MAML3: variants seen among roughly 807,000 people sequenced by gnomAD.
MAML3 encodes the protein mastermind-like protein 3.
Under a neutral mutation model 101.9 loss-of-function variants are expected in MAML3, and 27 were observed. The ratio of observed to expected loss-of-function variants is 0.27; its 90% CI spans 0.20 to 0.37. The LOEUF (loss-of-function observed/expected upper bound fraction) is 0.37. Ranked by LOEUF, MAML3 falls within the 10% of genes least tolerant of loss-of-function variation. The pLI, the probability that MAML3 is intolerant of heterozygous loss-of-function variation, is 1.00. For missense variants in MAML3, 1,316 were observed against 1,444.9 expected, an observed-to-expected ratio of 0.91 and a Z score of 1.45; for synonymous variants, 501 against 555.9, an observed-to-expected ratio of 0.90 and a Z score of 1.39.
At chr4:140,051,427 C>T (rs915965571) in intron 1 of MAML3, among the ~76,000 whole-genome samples, 1 of 151,896 alleles carries the variant, frequency 6.6e-6, no homozygotes, top group African/African-American at 2.4e-5. Context: ...CGTGGTGGTA[C>T]ATGCCTGTAA....
intron 2 of MAML3, among the ~76,000 whole-genome samples, chr4:139,742,512 C>T (rs1166573058): frequency 1.3e-5 from 2 of 152,160 alleles, no homozygotes; most frequent in Non-Finnish European, 2.9e-5. Flanking sequence ...CAGTGCTTGG[C>T]TTATAGTAGG....
intron 2 of MAML3, among the ~76,000 whole-genome samples, chr4:139,866,657 T>C (rs969820900): frequency 1.3e-5 from 2 of 152,176 alleles, no homozygotes; most frequent in African/African-American, 4.8e-5. Flanking sequence ...CCTCACTGTC[T>C]TGTTTCACCC....
chr4:139,995,570 T>C (rs985984506), intron 1 of MAML3, among the ~76,000 whole-genome samples: 1 of 152,204 alleles, frequency 6.6e-6, no homozygotes, highest in East Asian at 1.9e-4. Flanking sequence ...TGGTGATGTG[T>C]ATCTTTTAGG....
In MAML3 at chr4:140,152,918, T is replaced by G. The variant is rs1272088725; in HGVS notation, c.410A>C (p.Lys137Thr). 1 of 1,612,728 alleles carries G rather than the reference T, an allele frequency of 6.2e-7. No homozygotes were observed. Among genetic ancestry groups the G allele is most frequent in the Non-Finnish European group, 8.5e-7 (1 of 1,179,682 alleles). Residue 137 changes from lysine (K) to threonine (T), a missense_variant, in exon 1 of 5, where the codon AAA (lysine) becomes ACA (threonine). By Grantham distance (78) the Lys-to-Thr change is moderately conservative. Transcript: ENST00000509479. ...AGTGKQQHPS[K>T]PQQDAEAASA... is the part of the protein sequence containing the mutation. ...GGCAGCCTCCGCATCTTGCTGGGGT[T>G]TGCTCGGGTGCTGCTGTTTGCCGGT... is the stretch of plus-strand genomic sequence containing the variant.
At chr4:140,091,532 C>CAACAA (rs1560890515) in intron 1 of MAML3, among the ~76,000 whole-genome samples, 1 of 12,078 alleles carries the variant, frequency 8.3e-5, no homozygotes, top group African/African-American at 1.2e-4. Flanking sequence ...AACAAAACAA[C>CAACAA]AAAACAAAAA....
intron 1 of MAML3, among the ~76,000 whole-genome samples, chr4:140,036,622 T>A (rs540443178): frequency 2.0e-5 from 3 of 151,854 alleles, no homozygotes; most frequent in East Asian, 1.9e-4. Context: ...CAGGAGAAGA[T>A]GAGAAGAACA....
At chr4:140,092,570 C>T (rs1578680658) in intron 1 of MAML3, among the ~76,000 whole-genome samples, 1 of 152,164 alleles carries the variant, frequency 6.6e-6, no homozygotes, top group African/African-American at 2.4e-5. Context: ...AACTCCCCGC[C>T]GCACTGCTCA....
At position 139,890,199 on chromosome 4, in the gene MAML3, A is replaced by G. The variant is rs748766953; in HGVS notation, c.1237T>C (p.Cys413Arg). 1.2e-6 allele frequency: 2 copies of G among 1,613,368 alleles called. No homozygotes were observed. The highest frequency in any genetic ancestry group is 8.5e-7 in the Non-Finnish European group (1 of 1,179,860). ...APNPASSPAN[C>R]AVQSPQTPNQ... ...GGAGTTTGAGGGGACTGGACAGCAC[A>G]GTTTGCTGGTGAGCTTGCAGGGTTT... The change falls in exon 2 of 5, where the codon TGT (cysteine) becomes CGT (arginine). Residue 413 changes from cysteine to arginine, a missense_variant. Physicochemically the swap from Cys to Arg is radical, Grantham distance 180 (BLOSUM62 -3). Coordinates refer to ENST00000509479, the MANE Select transcript of MAML3 (RefSeq NM_018717.5). This position sits in a 1 kb window ranked among gnomAD's most constrained non-coding sequence, Gnocchi z 4.1.
chr4:139,984,280 C>T (rs1734496337), intron 1 of MAML3, among the ~76,000 whole-genome samples: 1 of 151,874 alleles, frequency 6.6e-6, no homozygotes, highest in African/African-American at 2.4e-5. Context: ...AGCCACAAAG[C>T]CATGAAAATA....
intron 2 of MAML3, among the ~76,000 whole-genome samples, chr4:139,814,025 A>AACACACACACACACACACACACAC (rs70943442): frequency 6.9e-5 from 10 of 145,030 alleles, no homozygotes; most frequent in Non-Finnish European, 9.0e-5. Flanking sequence ...CACAAACACA[A>AACACACACACACACACACACACAC]ACACACACAC....
At chr4:140,033,854 T>C (rs142710493) in intron 1 of MAML3, among the ~76,000 whole-genome samples, 44 of 152,380 alleles carry the variant, frequency 2.9e-4, no homozygotes, top group African/African-American at 1.0e-3. Flanking sequence ...TAAGCAGTGC[T>C]ATGAGACTTT....
chr4:140,100,561 A>G (rs1466616125), intron 1 of MAML3, among the ~76,000 whole-genome samples: 1 of 152,194 alleles, frequency 6.6e-6, no homozygotes, highest in African/African-American at 2.4e-5. Context: ...ATGTTTGTAT[A>G]ATGTAAAAAC....
intron 1 of MAML3, among the ~76,000 whole-genome samples, chr4:140,122,750 C>T (rs956114595): frequency 2.0e-5 from 3 of 149,234 alleles, no homozygotes; most frequent in African/African-American, 7.4e-5. Flanking sequence ...TGAGATCCCG[C>T]CACTGCACTC....
intron 1 of MAML3, among the ~76,000 whole-genome samples, chr4:140,132,729 C>T (rs1309230747): frequency 6.6e-6 from 1 of 152,208 alleles, no homozygotes; most frequent in East Asian, 1.9e-4. Flanking sequence ...CATTTGTTCA[C>T]TGTTCTGTAA....
chr4:139,895,823 T>C (rs1189377270), intron 1 of MAML3, among the ~76,000 whole-genome samples: 1 of 152,198 alleles, frequency 6.6e-6, no homozygotes, highest in African/African-American at 2.4e-5. Flanking sequence ...TCGAATCAAA[T>C]ACATTTTCAG....
intron 2 of MAML3, among the ~76,000 whole-genome samples, chr4:139,780,622 TC>T (rs1207333147): frequency 2.2e-5 from 3 of 137,634 alleles, no homozygotes; most frequent in Non-Finnish European, 4.7e-5. Flanking sequence ...TTCTTTCTTT[TC>T]TTTTTTTTTT....
chr4:139,771,567 G>A (rs1729980737), intron 2 of MAML3, among the ~76,000 whole-genome samples: 1 of 152,192 alleles, frequency 6.6e-6, no homozygotes, highest in African/African-American at 2.4e-5. Context: ...TGGGACTACA[G>A]GATGTAAAAT....
At chr4:140,122,744 A>G (rs1728627466) in intron 1 of MAML3, among the ~76,000 whole-genome samples, 1 of 149,186 alleles carries the variant, frequency 6.7e-6, no homozygotes, top group African/African-American at 2.5e-5. Context: ...GTGAGCTGAG[A>G]TCCCGCCACT....
Position 140,117,235 on chromosome 4 carries a change from G to A in MAML3, c.468+35625C>T, listed in dbSNP as rs188624250. Among the ~76,000 whole-genome samples the A allele has an allele frequency of 7.9e-5, 12 of 152,162 alleles. No individual in the cohort carries two copies. In the East Asian group the frequency reaches 2.1e-3, roughly 27 times the overall value. On this transcript the variant is annotated intron_variant, in intron 1 of 4. Transcript: ENST00000509479. ...TTACTATAACCCAAAGCAAATGTTTGGGGTTCCTAATTATATTGATCCAAA... is the reference window on the plus strand; with the variant it reads ...TTACTATAACCCAAAGCAAATGTTTAGGGTTCCTAATTATATTGATCCAAA...
Sources: gnomAD v4.1 joint callset for allele counts (sites outside exome capture counted in the v4.1 genomes callset) on GRCh38, gnomAD v4.1.1 for gene constraint, Gnocchi (gnomAD v3.1) non-coding constraint, MANE v1.5 for transcripts, NCBI Gene and HGNC (gene_info 2026-07-23, HGNC 2026-07-21) for gene names.